Variants in IQSEC2 observed in about 807,000 individuals in gnomAD.
IQSEC2 encodes IQ motif and Sec7 domain ArfGEF 2, also known as IQ motif and SEC7 domain-containing protein 2.
IQSEC2 carries 6 observed loss-of-function variants against 74.6 expected under a neutral mutation model. The observed-to-expected ratio is 0.08, with a 90% CI of 0.04 to 0.16. The LOEUF is 0.16. IQSEC2 is among the 10% of genes least tolerant of loss of function. IQSEC2 has a pLI of 1.00. For synonymous variants in IQSEC2, 494 were observed against 544.5 expected (o/e 0.91, Z 1.29); for missense variants, 734 against 1,306.2 (o/e 0.56, Z 6.75).
intron 1 of IQSEC2, among the ~76,000 whole-genome samples, chrX:53,295,603 C>CAAAAA (rs782410222): frequency 7.7e-4 from 31 of 40,474 alleles, no homozygotes; most frequent in Admixed American, 1.2e-3. Flanking sequence ...GACTCCGTCT[C>CAAAAA]AAAAAAAAAA....
intron 2 of IQSEC2, among the ~76,000 whole-genome samples, chrX:53,272,994 A>G (rs1407655759): frequency 9.0e-6 from 1 of 111,456 alleles, no homozygotes; most frequent in Non-Finnish European, 1.9e-5. Flanking sequence ...CAGCCCTAAG[A>G]GGTAAGTTGG....
intron 11 of IQSEC2, 122 bp from the exon 12 acceptor site, chrX:53,238,428 G>A (rs2074168844): frequency 1.5e-6 from 1 of 665,542 alleles, no homozygotes; most frequent in Non-Finnish European, 2.4e-6. Flanking sequence ...CACCCAGGCT[G>A]GAGTGCAGTG....
intron 2 of IQSEC2, among the ~76,000 whole-genome samples, chrX:53,271,473 ACTT>A (rs1556868663): frequency 1.8e-5 from 2 of 111,509 alleles, no homozygotes; most frequent in Non-Finnish European, 3.8e-5. Context: ...CCCTCTGCTA[ACTT>A]TGACTCATCC....
intron 5 of IQSEC2, 53 bp downstream of exon 5, chrX:53,250,226 G>A: frequency 8.5e-7 from 1 of 1,173,088 alleles, no homozygotes; most frequent in Non-Finnish European, 1.2e-6. Context: ...AGGAACCCAA[G>A]TGCATGTGGC....
chrX:53,319,599 C>T (rs1051742827), intron 1 of IQSEC2, among the ~76,000 whole-genome samples: 1 of 110,965 alleles, frequency 9.0e-6, no homozygotes, highest in African/African-American at 3.3e-5. Flanking sequence ...CCAATCAGCT[C>T]ACCATGGTAT....
chrX:53,293,055 A>T lies in IQSEC2; in HGVS notation c.708-1131T>A, dbSNP rs1387202139. On this transcript the variant is annotated intron_variant, in intron 1 of 14. Coordinates refer to ENST00000642864, the MANE Select transcript of IQSEC2 (RefSeq NM_001111125.3). ...GCCAAGACGTGGCTTTAGTGAGGGG[A>T]GTGTCCATCTATGCTAAGCGCTAAA... is the stretch of plus-strand genomic sequence containing the variant. 2.7e-5 allele frequency among the ~76,000 whole-genome samples: 3 copies of T among 111,962 alleles called. No homozygotes were observed. In the Admixed American group the frequency reaches 2.8e-4, roughly 11 times the overall value.
chrX:53,307,054 T>A lies in IQSEC2; in HGVS notation c.707+13363A>T, dbSNP rs782014192. On this transcript the variant is annotated intron_variant, in intron 1 of 14. Transcript: ENST00000642864. ...GCCTGGCATTCACCCGTAGGCAAAG[T>A]ATCAGAGGGCTGCTTGCTAAAGGAA... Among the ~76,000 whole-genome samples the A allele has an allele frequency of 2.7e-5, 3 of 110,175 alleles. No homozygotes were observed. In the South Asian group the frequency reaches 1.2e-3, roughly 43 times the overall value.
intron 6 of IQSEC2, 72 bp downstream of exon 6, chrX:53,248,649 G>A (rs1451403695): frequency 9.2e-7 from 1 of 1,090,756 alleles, no homozygotes; most frequent in Admixed American, 2.2e-5. Context: ...GGGACAGGCT[G>A]CCCCCTTCCT....
chrX:53,246,667 CTGAA>C (rs1176610341), intron 8 of IQSEC2, among the ~76,000 whole-genome samples: 1 of 112,142 alleles, frequency 8.9e-6, no homozygotes. Flanking sequence ...AAGTGAATTA[CTGAA>C]TGAATGAATG....
chrX:53,235,163 G>T lies in IQSEC2; in HGVS notation c.3523C>A (p.Arg1175Ser). ...GGAGGTGGCATCCTCTGGTGAGGGC[G>T]TGGACTGCTAATAACAGACCCCTGG... ...TIEGSVISSPRPHQRMPPPPP... is the reference protein window; with the variant it reads ...TIEGSVISSPSPHQRMPPPPP... The change falls in exon 15 of 15, where the codon CGC becomes AGC. Residue 1175 changes from arginine (R) to serine (S), a missense_variant. Arg to Ser is a moderately radical substitution (Grantham distance 110). This residue lies in a region of IQSEC2 where 249 missense variants were observed against 467.9 expected (regional missense o/e 0.53). Coordinates refer to ENST00000642864, the MANE Select transcript of IQSEC2 (RefSeq NM_001111125.3). 2 of 1,163,229 alleles carry T rather than the reference G, an allele frequency of 1.7e-6. No individual in the cohort carries two copies. The highest frequency in any genetic ancestry group is 2.3e-6 in the Non-Finnish European group (2 of 870,678).
rs1556858677 is a variant in IQSEC2, at chrX:53,233,361, G to A, written c.*858C>T. The A allele has an allele frequency of 9.0e-6, 1 of 111,326 alleles. No homozygotes were observed. The highest frequency in any genetic ancestry group is 1.9e-5 in the Non-Finnish European group (1 of 52,952). The allele number at this position is 111,326 out of a possible 1,213,427, so 9.2% of individuals were successfully genotyped here. A position where few individuals can be genotyped will look rare whatever the true frequency, so the allele number is the denominator to read the frequency against. On this transcript the variant is annotated 3_prime_UTR_variant, in exon 15 of 15. Coordinates refer to ENST00000642864, the MANE Select transcript of IQSEC2 (RefSeq NM_001111125.3). ...CCCCTGCCCCAGCGAGGTGTGTGTGGGTGATATCTGTAAAGTGCATTGTCT... is the reference window on the plus strand; with the variant it reads ...CCCCTGCCCCAGCGAGGTGTGTGTGAGTGATATCTGTAAAGTGCATTGTCT...
At chrX:53,273,126 T>C (rs1336780388) in intron 2 of IQSEC2, among the ~76,000 whole-genome samples, 1 of 109,228 alleles carries the variant, frequency 9.2e-6, no homozygotes, top group African/African-American at 3.3e-5. Context: ...CCACTATTTT[T>C]CCCCTATGAC....
chrX:53,297,288 C>T (rs2075162907), intron 1 of IQSEC2, among the ~76,000 whole-genome samples: 1 of 111,494 alleles, frequency 9.0e-6, no homozygotes, highest in African/African-American at 3.3e-5. Context: ...GATTACATTT[C>T]CTTTCCCATA....
At chrX:53,266,814 TG>T (rs1462887031) in intron 2 of IQSEC2, 3 of 989,157 alleles carry the variant, frequency 3.0e-6, no homozygotes, top group Non-Finnish European at 3.8e-6. Context: ...AAGAAGAAGG[TG>T]GGGGGAGGAA....
At chrX:53,311,845 C>T (rs1225089348) in intron 1 of IQSEC2, among the ~76,000 whole-genome samples, 1 of 111,532 alleles carries the variant, frequency 9.0e-6, no homozygotes, top group Non-Finnish European at 1.9e-5. Context: ...GAACCTGGGG[C>T]GGGGAAGAGG....
At chrX:53,268,188 C>T (rs1399723337) in intron 2 of IQSEC2, among the ~76,000 whole-genome samples, 1 of 111,235 alleles carries the variant, frequency 9.0e-6, no homozygotes, top group Non-Finnish European at 1.9e-5. Flanking sequence ...TACCCTCATT[C>T]CCAGACCCCT....
intron 12 of IQSEC2, chrX:53,237,829 C>T (rs1556860077): frequency 3.4e-6 from 1 of 289,882 alleles, no homozygotes; most frequent in Non-Finnish European, 6.2e-6. Flanking sequence ...TGCTGCAGTT[C>T]ACCCAGATAA....
intron 2 of IQSEC2, chrX:53,279,683 A>G (rs2074910710): frequency 1.0e-6 from 1 of 972,290 alleles, no homozygotes; most frequent in East Asian, 3.1e-5. Flanking sequence ...AGAGACAGAG[A>G]GAGACAGAGA....
intron 2 of IQSEC2, among the ~76,000 whole-genome samples, chrX:53,282,357 CCCTG>C (rs1366425256): frequency 2.7e-5 from 3 of 112,961 alleles, no homozygotes; most frequent in African/African-American, 9.6e-5. Flanking sequence ...TGCCCTGGCT[CCCTG>C]CCTGCCTATT....
Sources: gnomAD v4.1 joint callset for allele counts (sites outside exome capture counted in the v4.1 genomes callset) on GRCh38, gnomAD v4.1.1 for gene constraint, gnomAD v4.1.1 regional missense constraint, MANE v1.5 for transcripts, NCBI Gene and HGNC (gene_info 2026-07-23, HGNC 2026-07-21) for gene names.